DST: variants seen among roughly 807,000 people sequenced by gnomAD.
DST encodes bullous pemphigoid antigen.
Under a neutral mutation model 875.2 loss-of-function variants are expected in DST, and 253 were observed. That is an observed-to-expected ratio of 0.29 (90% CI 0.26 to 0.32). The LOEUF (loss-of-function observed/expected upper bound fraction) is 0.32. Ranked by LOEUF, DST falls within the 10% of genes least tolerant of loss-of-function variation. The pLI is 1.00. For missense variants in DST, 8,287 were observed against 9,111.6 expected (o/e 0.91, Z 3.68); for synonymous variants, 3,124 against 3,197.1 (o/e 0.98, Z 0.77).
chr6:56,476,118 T>TTAATCC, intron 92 of DST, 31 bp downstream of exon 92: 1 of 1,536,804 alleles, frequency 6.5e-7, no homozygotes, highest in Non-Finnish European at 8.8e-7. Flanking sequence ...GAGATAATGG[T>TTAATCC]TAACAGGAGT....
chr6:56,685,360 CA>C (rs1343762319), intron 9 of DST, among the ~76,000 whole-genome samples: 1 of 152,122 alleles, frequency 6.6e-6, no homozygotes, highest in Non-Finnish European at 1.5e-5. Context: ...TGATACTTCG[CA>C]AAAGAAGTCA....
intron 4 of DST, among the ~76,000 whole-genome samples, chr6:56,752,791 GTTTT>G (rs952682228): frequency 2.0e-5 from 3 of 151,418 alleles, no homozygotes; most frequent in Non-Finnish European, 4.4e-5. Flanking sequence ...GAGTTTTTTT[GTTTT>G]TTTTGTTTTT....
chr6:56,861,055 T>C (rs1455421277), intron 3 of DST, among the ~76,000 whole-genome samples: 3 of 152,178 alleles, frequency 2.0e-5, no homozygotes, highest in African/African-American at 4.8e-5. Flanking sequence ...AGCAAAGTTA[T>C]GTCTTTATAT....
chr6:56,938,108 C>CTCTCTCTCTATA lies in DST; in HGVS notation c.216+15676_216+15677insTATAGAGAGAGA, dbSNP rs1383243392. 2.7e-3 allele frequency among the ~76,000 whole-genome samples: 332 copies of CTCTCTCTCTATA among 120,728 alleles called. 4 individuals are homozygous for CTCTCTCTCTATA. Among genetic ancestry groups the CTCTCTCTCTATA allele is most frequent in the African/African-American group, 0.011 (311 of 28,594 alleles). 79.2% of individuals were successfully genotyped at this position (120,728 alleles called of 152,430 possible). The stretch of plus-strand genomic sequence containing the variant: ...TCTCTCTCTCTCTCTCTCTCTCTCT[C>CTCTCTCTCTATA]TATATATATATATATATATATATGT... On this transcript the variant is annotated intron_variant, in intron 2 of 103. Coordinates refer to ENST00000680361, the MANE Select transcript of DST (RefSeq NM_001374736.1).
chr6:56,945,282 T>G lies in DST; in HGVS notation c.216+8503A>C, dbSNP rs138516051. Among the ~76,000 whole-genome samples, 569 of 152,288 alleles carry G rather than the reference T, an allele frequency of 3.7e-3. 5 individuals carry two copies. The highest frequency in any genetic ancestry group is 0.013 in the African/African-American group (548 of 41,564). ...CAGAGAGACTTGTCCAGAGGCTTAT[T>G]ATAGGGCTTGAACCAAAGAAACAGC... On this transcript the variant is annotated intron_variant, in intron 2 of 103. Transcript: ENST00000680361.
At chr6:56,788,743 TA>T (rs1459970284) in intron 4 of DST, among the ~76,000 whole-genome samples, 1 of 152,244 alleles carries the variant, frequency 6.6e-6, no homozygotes, top group Non-Finnish European at 1.5e-5. Flanking sequence ...AATGAGTTGA[TA>T]AATGTACCAT....
intron 10 of DST, among the ~76,000 whole-genome samples, chr6:56,662,873 C>T (rs982648895): frequency 9.9e-5 from 15 of 152,066 alleles, no homozygotes; most frequent in Admixed American, 5.2e-4. Context: ...TGCTTGAACC[C>T]GGGAGGTGGA....
intron 62 of DST, among the ~76,000 whole-genome samples, chr6:56,536,381 A>T (rs1024732757): frequency 3.3e-5 from 5 of 152,244 alleles, no homozygotes; most frequent in African/African-American, 1.2e-4. Flanking sequence ...TTTCACATAG[A>T]AAGTGAGATT....
chr6:56,665,746 A>G (rs2099069199), intron 10 of DST, among the ~76,000 whole-genome samples: 1 of 152,160 alleles, frequency 6.6e-6, no homozygotes, highest in African/African-American at 2.4e-5. Context: ...GATGCTCACT[A>G]CGTGGGTGAC....
rs763122810 is a variant in DST, at chr6:56,632,835, AGGGATCCCCAT to A, written c.3805+8_3805+18del. On this transcript the variant is annotated splice_region_variant and intron_variant, in intron 28 of 103. Coordinates refer to ENST00000680361, the MANE Select transcript of DST (RefSeq NM_001374736.1). ...TAAACACCTATGGGGAAAAAAAGACAGGGATCCCCATGCTTTACCTCTTTCTGCAGATTTAA... is the reference window on the plus strand; with the variant it reads ...TAAACACCTATGGGGAAAAAAAGACAGCTTTACCTCTTTCTGCAGATTTAA... The A allele has an allele frequency of 1.2e-6, 2 of 1,604,390 alleles. No homozygotes were observed. Among genetic ancestry groups the A allele is most frequent in the South Asian group, 2.2e-5 (2 of 90,814 alleles).
In DST at chr6:56,504,070, C is replaced by T. The variant is rs1464513983; in HGVS notation, c.19493G>A (p.Gly6498Asp). 6 of 1,609,852 alleles carry T rather than the reference C, an allele frequency of 3.7e-6. No individual in the cohort carries two copies. The highest frequency in any genetic ancestry group is 5.1e-6 in the Non-Finnish European group (6 of 1,178,156). The part of the protein sequence containing the change: ...QAVFDWVDIA[G>D]GKLASMSPIG... The stretch of plus-strand genomic sequence containing the variant: ...TGGAGACATTGAAGCTAATTTACCA[C>T]CTGCAATATCTACCCAGTCAAATAC... Residue 6498 changes from glycine to aspartate, a missense_variant, in exon 78 of 104, where the codon GGT becomes GAT. Around this residue, in one of 10 missense-constraint regions of DST, gnomAD observed 1,292 missense variants for 1,552.7 expected, o/e 0.83. Coordinates refer to ENST00000680361, the MANE Select transcript of DST (RefSeq NM_001374736.1).
chr6:56,579,732 T>C (rs555717548), intron 49 of DST, among the ~76,000 whole-genome samples: 1 of 152,222 alleles, frequency 6.6e-6, no homozygotes, highest in Admixed American at 6.5e-5. Flanking sequence ...AGTTTGACAA[T>C]GCTTATGGGT....
intron 5 of DST, among the ~76,000 whole-genome samples, chr6:56,721,416 G>A (rs2099416120): frequency 6.6e-6 from 1 of 152,222 alleles, no homozygotes; most frequent in Admixed American, 6.5e-5. Flanking sequence ...GACTGGGGAA[G>A]TGATAAGTGT....
At chr6:56,794,371 A>G (rs2099736194) in intron 4 of DST, among the ~76,000 whole-genome samples, 1 of 152,164 alleles carries the variant, frequency 6.6e-6, no homozygotes, top group African/African-American at 2.4e-5. Context: ...GTTGACAGTA[A>G]TGGAATCTGT....
intron 49 of DST, among the ~76,000 whole-genome samples, chr6:56,586,064 T>C (rs917719592): frequency 3.9e-5 from 6 of 152,190 alleles, no homozygotes; most frequent in Non-Finnish European, 7.3e-5. Flanking sequence ...AAAAAAAATG[T>C]ATATTCTGTT....
At chr6:56,566,264 C>T (rs921267033) in intron 55 of DST, among the ~76,000 whole-genome samples, 2 of 152,188 alleles carry the variant, frequency 1.3e-5, no homozygotes, top group East Asian at 3.9e-4. Context: ...ACTCCTGCAG[C>T]TAGCTTGGTG....
rs1270460369 is a variant in DST at position 56,598,406 on chromosome 6, TTAA to T, written c.11928+67_11928+69del. 8.4e-5 allele frequency: 77 copies of T among 913,654 alleles called. No individual in the cohort carries two copies. The African/African-American group carries it at 1.1e-3, about 13-fold the overall frequency. The allele number at this position is 913,654 out of a possible 1,614,324, so 56.6% of individuals were successfully genotyped here. On this transcript the variant is annotated intron_variant, in intron 46 of 103. Coordinates refer to ENST00000680361, the MANE Select transcript of DST (RefSeq NM_001374736.1). ...AATCCTTATTTACTACCACTGGATA[TTAA>T]TAATAAATCAAGTAGCTGTTAAGCT...
chr6:56,854,006 A>G (rs1441714116), intron 3 of DST, among the ~76,000 whole-genome samples: 3 of 152,242 alleles, frequency 2.0e-5, no homozygotes, highest in Non-Finnish European at 2.9e-5. Flanking sequence ...TGTTTTAACA[A>G]TTAAAGTATC....
At chr6:56,936,669 G>A (rs1435650766) in intron 2 of DST, among the ~76,000 whole-genome samples, 2 of 152,018 alleles carry the variant, frequency 1.3e-5, no homozygotes, top group African/African-American at 2.4e-5. Context: ...TGCGGTCACA[G>A]AAGTGTGCAA....
Sources: allele counts gnomAD v4.1 joint callset (sites outside exome capture counted in the v4.1 genomes callset), GRCh38; gene constraint gnomAD v4.1.1; regional missense constraint gnomAD v4.1.1; transcripts MANE v1.5; gene names NCBI Gene and HGNC (gene_info 2026-07-23, HGNC 2026-07-21).